Variants in DND1 observed in about 807,000 individuals in gnomAD.
DND1 encodes the protein dead end protein homolog 1.
Under a neutral mutation model 30.4 loss-of-function variants are expected in DND1, and 6 were observed. The ratio of observed to expected loss-of-function variants is 0.20; its 90% CI spans 0.11 to 0.39. The LOEUF (loss-of-function observed/expected upper bound fraction) is 0.39, where lower values mean the gene tolerates loss of function less well. DND1 is among the 10% of genes least tolerant of loss of function. The pLI, the probability that DND1 is intolerant of heterozygous loss-of-function variation, is 1.00. For synonymous variants in DND1, 178 were observed against 210.4 expected (o/e 0.85, Z 1.33); for missense variants, 358 against 474.9 (o/e 0.75, Z 2.29).
In DND1 at chr5:140,672,741, G is replaced by A. The variant is rs1291027128; in HGVS notation, c.308C>T (p.Ala103Val). 1 of 1,589,716 alleles carries A rather than the reference G, an allele frequency of 6.3e-7. No individual in the cohort carries two copies. The highest frequency in any genetic ancestry group is 2.3e-5 in the East Asian group (1 of 44,292). The change falls in exon 3 of 4, where the codon GCC (alanine) becomes GTC (valine). Residue 103 changes from alanine to valine, a missense_variant. Around this residue, in one of 3 missense-constraint regions of DND1, gnomAD observed 120 missense variants for 199.1 expected, o/e 0.60. Transcript: ENST00000542735. Reference protein sequence around the residue: ...FSGLNRGFAYARYSSRRGAQA... With the variant: ...FSGLNRGFAYVRYSSRRGAQA... Reference sequence around the variant, plus strand: ...CGCGCCGCGCCTCGAGCTGTAGCGGGCATAGGCGAAGCCGCGGTTCAGGCC... The same window carrying A: ...CGCGCCGCGCCTCGAGCTGTAGCGGACATAGGCGAAGCCGCGGTTCAGGCC...
At position 140,673,576 on chromosome 5, in the gene DND1, T is replaced by G; in HGVS notation, c.-34A>C. The G allele has an allele frequency of 6.4e-7, 1 of 1,557,072 alleles. No homozygotes were observed. Among genetic ancestry groups the G allele is most frequent in the South Asian group, 1.2e-5 (1 of 85,142 alleles). On this transcript the variant is annotated 5_prime_UTR_variant, in exon 1 of 4. Transcript: ENST00000542735. The stretch of plus-strand genomic sequence containing the variant: ...AGCTGGCCCCCTCGTACCCTCTTTA[T>G]AACTTCCTCCCCACCGGCCTCTGGA...
At chr5:140,671,870 G>A in intron 3 of DND1, 120 bp from the exon 4 acceptor site, 1 of 1,134,434 alleles carries the variant, frequency 8.8e-7, no homozygotes, top group South Asian at 1.3e-5. Context: ...CTGGTAGTGT[G>A]ACCATGGGTA....
In DND1 at chr5:140,672,465, G is replaced by A. The variant is rs375656093; in HGVS notation, c.584C>T (p.Ala195Val). The A allele has an allele frequency of 9.3e-6, 15 of 1,604,362 alleles. No individual in the cohort carries two copies. Among genetic ancestry groups the A allele is most frequent in the Non-Finnish European group, 1.2e-5 (14 of 1,177,216 alleles). Residue 195 changes from alanine to valine, a missense_variant, in exon 3 of 4, where the codon GCC becomes GTC. Around this residue, in one of 3 missense-constraint regions of DND1, gnomAD observed 176 missense variants for 235.2 expected, o/e 0.75. Coordinates refer to ENST00000542735, the MANE Select transcript of DND1 (RefSeq NM_194249.3). ...KFSSHRAAAMAKKALVEGQSH... is the reference protein window; with the variant it reads ...KFSSHRAAAMVKKALVEGQSH... Reference sequence around the variant, plus strand: ...CCTACCTTCCACCAGGGCCTTTTTGGCCATGGCAGCGGCCCGGTGCGAGCT... The same window carrying A: ...CCTACCTTCCACCAGGGCCTTTTTGACCATGGCAGCGGCCCGGTGCGAGCT...
intron 1 of DND1, 27 bp from the exon 2 acceptor site, chr5:140,673,415 G>T (rs974063166): frequency 1.2e-6 from 2 of 1,613,920 alleles, no homozygotes; most frequent in African/African-American, 2.7e-5. Context: ...GGTTGGAATG[G>T]CGGATCGCCA....
intron 3 of DND1, 28 bp downstream of exon 3, chr5:140,672,417 C>A (rs781107278): frequency 1.3e-5 from 20 of 1,570,280 alleles, no homozygotes; most frequent in Non-Finnish European, 1.6e-5. Context: ...CGCGTTTGGC[C>A]CCAACCAGCA....
intron 3 of DND1, chr5:140,672,166 GTT>G (rs1758097410): frequency 1.8e-6 from 1 of 568,460 alleles, no homozygotes; most frequent in Admixed American, 3.1e-5. Flanking sequence ...TTCTCTAACA[GTT>G]TCCTCATAGC....
Position 140,671,749 on chromosome 5 carries a change from C to A in DND1, c.606G>T (p.Gly202=). The change falls in exon 4 of 4, where the codon GGG becomes GGT. Residue 202 remains glycine, a splice_region_variant and synonymous_variant. Coordinates refer to ENST00000542735, the MANE Select transcript of DND1 (RefSeq NM_194249.3). ...CCTGCTCTCCACAGAGGTGTGACTGCCCTGTAGGAAAAATGCAAAGACAAG... is the reference window on the plus strand; with the variant it reads ...CCTGCTCTCCACAGAGGTGTGACTGACCTGTAGGAAAAATGCAAAGACAAG... ...AAMAKKALVE[G]QSHLCGEQVA... The A allele has an allele frequency of 6.4e-7, 1 of 1,569,070 alleles. No homozygotes were observed. Among genetic ancestry groups the A allele is most frequent in the Non-Finnish European group, 8.6e-7 (1 of 1,156,086 alleles).
In DND1 at chr5:140,672,815, G is replaced by T; in HGVS notation, c.234C>A (p.Phe78Leu). ...ACTCGTAGAGGCGGCCCACGCGCTG[G>T]AACAGCGGGATAAGCTGGTGCTCGT... ...DVYEHQLIPL[F>L]QRVGRLYEFR... The change falls in exon 3 of 4, where the codon TTC becomes TTA. Residue 78 changes from phenylalanine to leucine, a missense_variant. Physicochemically the swap from Phe to Leu is conservative, Grantham distance 22. Transcript: ENST00000542735. The T allele has an allele frequency of 6.4e-7, 1 of 1,563,494 alleles. No individual in the cohort carries two copies. The highest frequency in any genetic ancestry group is 8.6e-7 in the Non-Finnish European group (1 of 1,161,572).
chr5:140,671,080 A>G lies in DND1; in HGVS notation c.*213T>C, dbSNP rs1758060355. On this transcript the variant is annotated 3_prime_UTR_variant, in exon 4 of 4. Transcript: ENST00000542735. ...GGGTCAGGTTGGACCCTGGGCTGGG[A>G]GCGGGAGGGCAAGGCCCCTCACCAC... 3.1e-6 allele frequency: 2 copies of G among 638,080 alleles called. No homozygotes were observed. The highest frequency in any genetic ancestry group is 5.6e-6 in the Non-Finnish European group (2 of 360,236). The allele number at this position is 638,080 out of a possible 1,614,324, so 39.5% of individuals were successfully genotyped here. A position where few individuals can be genotyped will look rare whatever the true frequency, so the allele number is the denominator to read the frequency against.
chr5:140,673,469 G>T, intron 1 of DND1, 50 bp downstream of exon 1: 1 of 1,612,820 alleles, frequency 6.2e-7, no homozygotes, highest in Non-Finnish European at 8.5e-7. Flanking sequence ...CCCTAAAGCC[G>T]ACCCCCGCTC....
chr5:140,673,205 G>A (rs1456765433), intron 2 of DND1, 66 bp downstream of exon 2: 74 of 1,554,340 alleles, frequency 4.8e-5, no homozygotes, highest in Non-Finnish European at 4.8e-5. Flanking sequence ...GTGAAGGCTC[G>A]GAGCAGCCCC....
rs779345075 is a variant in DND1, at chr5:140,672,612, G to A, written c.437C>T (p.Pro146Leu). Reference sequence around the variant, plus strand: ...CAGCGCGCTGCGGGTCAGATTCGGCGGCAGGCCGTCAACGCTCAGCTCACA... The same window carrying A: ...CAGCGCGCTGCGGGTCAGATTCGGCAGCAGGCCGTCAACGCTCAGCTCACA... ...EKCELSVDGL[P>L]PNLTRSALLL... The change falls in exon 3 of 4, where the codon CCG becomes CTG. Residue 146 changes from proline (P) to leucine (L), a missense_variant. Physicochemically the swap from Pro to Leu is moderately conservative, Grantham distance 98 (BLOSUM62 -3). Coordinates refer to ENST00000542735, the MANE Select transcript of DND1 (RefSeq NM_194249.3). 2 of 1,568,472 alleles carry A rather than the reference G, an allele frequency of 1.3e-6. No homozygotes were observed. Among genetic ancestry groups the A allele is most frequent in the Middle Eastern group, 2.3e-4 (1 of 4,424 alleles).
In DND1 at chr5:140,671,414, C is replaced by A. The variant is rs1459665994; in HGVS notation, c.941G>T (p.Arg314Leu). 7 of 1,612,160 alleles carry A rather than the reference C, an allele frequency of 4.3e-6. No individual in the cohort carries two copies. In the South Asian group the frequency reaches 4.4e-5, roughly 10 times the overall value. The change falls in exon 4 of 4, where the codon CGG becomes CTG. Residue 314 changes from arginine (R) to leucine (L), a missense_variant. Physicochemically the swap from Arg to Leu is moderately radical, Grantham distance 102. Coordinates refer to ENST00000542735, the MANE Select transcript of DND1 (RefSeq NM_194249.3). ...LIWVVLTLDG[R>L]DGHEVAKDAV... Reference sequence around the variant, plus strand: ...ATCCTTGGCCACCTCATGCCCATCCCGGCCATCTAGGGTCAGCACAACCCA... The same window carrying A: ...ATCCTTGGCCACCTCATGCCCATCCAGGCCATCTAGGGTCAGCACAACCCA...
At position 140,672,716 on chromosome 5, in the gene DND1, C is replaced by G. The variant is rs1486762335; in HGVS notation, c.333G>C (p.Ala111=). Residue 111 remains alanine (A), a synonymous_variant, in exon 3 of 4, where the codon GCG becomes GCC. Coordinates refer to ENST00000542735, the MANE Select transcript of DND1 (RefSeq NM_194249.3). ...AYARYSSRRG[A]QAAIATLHNH... ...TGTGCAGCGTGGCGATGGCGGCCTG[C>G]GCGCCGCGCCTCGAGCTGTAGCGGG... The G allele has an allele frequency of 2.5e-6, 4 of 1,578,970 alleles. No individual in the cohort carries two copies. The highest frequency in any genetic ancestry group is 3.5e-5 in the Admixed American group (2 of 57,518).
At chr5:140,671,968 G>A in intron 3 of DND1, 2 of 618,250 alleles carry the variant, frequency 3.2e-6, no homozygotes, top group Non-Finnish European at 5.7e-6. Context: ...GAGAAGTACT[G>A]GTTAATTGCA....
intron 1 of DND1, 40 bp from the exon 2 acceptor site, chr5:140,673,428 C>T (rs1442390785): frequency 6.2e-7 from 1 of 1,613,792 alleles, no homozygotes; most frequent in Admixed American, 1.7e-5. Flanking sequence ...GATCGCCAAG[C>T]GCGCCCCCAC....
rs1310851441 is a variant in DND1 at position 140,672,584 on chromosome 5, C to T, written c.465G>A (p.Leu155=). 8.9e-6 allele frequency: 14 copies of T among 1,577,666 alleles called. No homozygotes were observed. The highest frequency in any genetic ancestry group is 5.6e-5 in the South Asian group (5 of 88,554). The change falls in exon 3 of 4, where the codon CTG becomes CTA. Residue 155 remains leucine (L), a synonymous_variant. Transcript: ENST00000542735. ...LPPNLTRSAL[L]LALQPLGPGL... is the part of the protein sequence containing the mutation. The stretch of plus-strand genomic sequence containing the variant: ...CGGGACCCAGCGGCTGCAGCGCGAG[C>T]AGCAGCGCGCTGCGGGTCAGATTCG...
rs1038416320 is a variant in DND1 at position 140,672,719 on chromosome 5, G to A, written c.330C>T (p.Gly110=). 7.0e-6 allele frequency: 11 copies of A among 1,580,596 alleles called. No individual in the cohort carries two copies. The highest frequency in any genetic ancestry group is 7.7e-6 in the Non-Finnish European group (9 of 1,171,156). The part of the protein sequence containing the change: ...FAYARYSSRR[G]AQAAIATLHN... ...GCAGCGTGGCGATGGCGGCCTGCGC[G>A]CCGCGCCTCGAGCTGTAGCGGGCAT... Residue 110 remains glycine, a synonymous_variant, in exon 3 of 4, where the codon GGC becomes GGT. Transcript: ENST00000542735.
At chr5:140,672,032 G>A (rs1758090835) in intron 3 of DND1, 4 of 577,350 alleles carry the variant, frequency 6.9e-6, no homozygotes, top group Non-Finnish European at 1.2e-5. Flanking sequence ...GGGAAAACTT[G>A]CTGTAAGTCA....
Sources: gnomAD v4.1 joint callset for allele counts on GRCh38, gnomAD v4.1.1 for gene constraint, gnomAD v4.1.1 regional missense constraint, MANE v1.5 for transcripts, NCBI Gene and HGNC (gene_info 2026-07-23, HGNC 2026-07-21) for gene names.